Variants in PPFIBP1 observed in about 807,000 individuals in gnomAD.
PPFIBP1 encodes liprin-beta-1.
A neutral mutation model predicts 137.8 loss-of-function variants in PPFIBP1; 112 were observed. That is an observed-to-expected ratio of 0.81 (90% CI 0.70 to 0.95). PPFIBP1 has a LOEUF of 0.95. PPFIBP1 is among the 40% of genes least tolerant of loss of function. The pLI is 0.00. For missense variants in PPFIBP1, 1,083 were observed against 1,196.6 expected (o/e 0.91, Z 1.40); for synonymous variants, 378 against 417.3 (o/e 0.91, Z 1.15).
intron 2 of PPFIBP1, among the ~76,000 whole-genome samples, chr12:27,622,747 A>G (rs1330938972): frequency 1.3e-5 from 2 of 152,160 alleles, no homozygotes; most frequent in East Asian, 3.8e-4. Flanking sequence ...GGAGGCCCTC[A>G]ATCAATATTT....
intron 2 of PPFIBP1, among the ~76,000 whole-genome samples, chr12:27,596,343 AAG>A (rs754502542): frequency 1.3e-5 from 2 of 152,144 alleles, no homozygotes; most frequent in Admixed American, 6.5e-5. Flanking sequence ...GACATGATAG[AAG>A]AAATAGGCAG....
intron 21 of PPFIBP1, among the ~76,000 whole-genome samples, chr12:27,681,313 G>T (rs1054502438): frequency 1.3e-5 from 2 of 152,162 alleles, no homozygotes; most frequent in Admixed American, 1.3e-4. Context: ...ACTTGTTCTT[G>T]CTCTATCACG....
chr12:27,610,697 A>G (rs568207291), intron 2 of PPFIBP1, among the ~76,000 whole-genome samples: 1 of 152,344 alleles, frequency 6.6e-6, no homozygotes, highest in South Asian at 2.1e-4. Context: ...ATCAATCATT[A>G]GATTGCTTTG....
intron 9 of PPFIBP1, chr12:27,657,025 A>G (rs1251792740): frequency 1.3e-5 from 3 of 233,332 alleles, no homozygotes; most frequent in Non-Finnish European, 2.5e-5. Context: ...ATGCAAGGGA[A>G]TTTGTGCCAA....
chr12:27,623,894 T>G (rs1390593156), intron 2 of PPFIBP1, among the ~76,000 whole-genome samples: 2 of 152,138 alleles, frequency 1.3e-5, no homozygotes, highest in Non-Finnish European at 2.9e-5. Context: ...AAGCATTTGG[T>G]GTCCACCACA....
At position 27,694,811 on chromosome 12, in the gene PPFIBP1, G is replaced by A. The variant is rs1288993755; in HGVS notation, c.*1929G>A. 1.3e-5 allele frequency: 2 copies of A among 152,154 alleles called. No individual in the cohort carries two copies. Among genetic ancestry groups the A allele is most frequent in the Non-Finnish European group, 2.9e-5 (2 of 68,042 alleles). 9.4% of individuals were successfully genotyped at this position (152,154 alleles called of 1,614,324 possible). A position where few individuals can be genotyped will look rare whatever the true frequency, so the allele number is the denominator to read the frequency against. On this transcript the variant is annotated 3_prime_UTR_variant, in exon 30 of 30. Coordinates refer to ENST00000228425, the MANE Select transcript of PPFIBP1 (RefSeq NM_003622.4). ...TTTTCACAAATTGAGGTGGAGGTGGGCGGTTCAGTATCTGCCACTGGACTT... is the reference window on the plus strand; with the variant it reads ...TTTTCACAAATTGAGGTGGAGGTGGACGGTTCAGTATCTGCCACTGGACTT...
chr12:27,575,760 G>T (rs914689263), intron 1 of PPFIBP1, among the ~76,000 whole-genome samples: 1 of 152,022 alleles, frequency 6.6e-6, no homozygotes, highest in African/African-American at 2.4e-5. Context: ...TTTTTTTATG[G>T]CTTACTTTTC....
intron 6 of PPFIBP1, 188 bp downstream of exon 6, chr12:27,648,030 A>G (rs1370165230): frequency 7.5e-6 from 5 of 664,954 alleles, no homozygotes; most frequent in African/African-American, 3.7e-5. Flanking sequence ...GTGTTTATGT[A>G]ATTAGAATCT....
chr12:27,598,765 C>T (rs757779468), intron 2 of PPFIBP1, among the ~76,000 whole-genome samples: 18 of 152,312 alleles, frequency 1.2e-4, no homozygotes, highest in East Asian at 5.8e-4. Flanking sequence ...CCACTTTCAC[C>T]TCCAAAAGAA....
chr12:27,655,657 G>C (rs567156354), intron 8 of PPFIBP1, among the ~76,000 whole-genome samples: 1 of 152,282 alleles, frequency 6.6e-6, no homozygotes, highest in South Asian at 2.1e-4. Context: ...GCAGCACGGT[G>C]AGAACAGGTT....
rs764172566 is a variant in PPFIBP1, at chr12:27,689,205, T to C, written c.2685+2T>C. On this transcript the variant is annotated splice_donor_variant, in intron 27 of 29. Transcript: ENST00000228425. LOFTEE classifies it high-confidence loss of function. ...CTAACAGCTACTGCCAAAGTGAAGG[T>C]TGGTTCAGGCTCATACGGTTTAATA... 3.8e-6 allele frequency: 6 copies of C among 1,560,176 alleles called. No homozygotes were observed. The highest frequency in any genetic ancestry group is 5.2e-6 in the Non-Finnish European group (6 of 1,160,384).
Position 27,693,597 on chromosome 12 carries a change from GATGAC to G in PPFIBP1, c.*717_*721del, listed in dbSNP as rs2061662141. On this transcript the variant is annotated 3_prime_UTR_variant, in exon 30 of 30. Coordinates refer to ENST00000228425, the MANE Select transcript of PPFIBP1 (RefSeq NM_003622.4). ...TAATATATATGAAATATTCCTTTTT[GATGAC>G]ACCACAAAATTGTTGAACAGTTTAA... is the stretch of plus-strand genomic sequence containing the variant. The G allele has an allele frequency of 6.6e-6, 1 of 151,956 alleles. No homozygotes were observed. The highest frequency in any genetic ancestry group is 2.1e-4 in the South Asian group (1 of 4,822). 9.4% of individuals were successfully genotyped at this position (151,956 alleles called of 1,614,324 possible). A position where few individuals can be genotyped will look rare whatever the true frequency, so the allele number is the denominator to read the frequency against.
At chr12:27,607,736 G>A (rs777055921) in intron 2 of PPFIBP1, among the ~76,000 whole-genome samples, 8 of 152,176 alleles carry the variant, frequency 5.3e-5, no homozygotes, top group Non-Finnish European at 1.0e-4. Flanking sequence ...GTTGCGGCAA[G>A]AATGGGGAAG....
chr12:27,587,834 A>G (rs995421155), intron 2 of PPFIBP1, among the ~76,000 whole-genome samples: 6 of 152,084 alleles, frequency 3.9e-5, no homozygotes, highest in Non-Finnish European at 7.4e-5. Flanking sequence ...TAAATTTCCT[A>G]AGAACCTAGT....
At chr12:27,688,179 G>T (rs991689881) in intron 25 of PPFIBP1, 119 bp from the exon 26 acceptor site, 9 of 1,171,902 alleles carry the variant, frequency 7.7e-6, no homozygotes, top group South Asian at 1.7e-5. Context: ...CTTTAAAAGA[G>T]AATTTTTCCC....
chr12:27,634,342 A>G (rs1385747627), intron 3 of PPFIBP1, among the ~76,000 whole-genome samples: 1 of 151,952 alleles, frequency 6.6e-6, no homozygotes, highest in Non-Finnish European at 1.5e-5. Flanking sequence ...GCATGTGTTT[A>G]CCTTCCCAAT....
chr12:27,654,851 T>C, intron 8 of PPFIBP1, 37 bp downstream of exon 8: 2 of 1,596,398 alleles, frequency 1.3e-6, no homozygotes, highest in Non-Finnish European at 1.7e-6. Context: ...TTCAAACAAA[T>C]GGCATCACTA....
chr12:27,570,496 A>G (rs543683721), intron 1 of PPFIBP1, among the ~76,000 whole-genome samples: 52 of 152,290 alleles, frequency 3.4e-4, no homozygotes, highest in Non-Finnish European at 6.5e-4. Context: ...AATGTTTATA[A>G]TAAAATTATA....
chr12:27,680,894 T>G, intron 21 of PPFIBP1, among the ~76,000 whole-genome samples: 1 of 152,186 alleles, frequency 6.6e-6, no homozygotes, highest in East Asian at 1.9e-4. Flanking sequence ...GGACATAGGT[T>G]ACATCAAGGA....
Sources: allele counts gnomAD v4.1 joint callset (sites outside exome capture counted in the v4.1 genomes callset), GRCh38; gene constraint gnomAD v4.1.1; transcripts MANE v1.5; gene names NCBI Gene and HGNC (gene_info 2026-07-23, HGNC 2026-07-21).